HDDC2: variants seen among roughly 807,000 people sequenced by gnomAD.
HDDC2 encodes 5'-deoxynucleotidase HDDC2.
A neutral mutation model predicts 25.5 loss-of-function variants in HDDC2; 25 were observed. The ratio of observed to expected loss-of-function variants is 0.98; its 90% CI spans 0.72 to 1.37. HDDC2 has a LOEUF of 1.37. Among genes scored for constraint, HDDC2 ranks in the 40% most tolerant of loss-of-function variants. HDDC2 has a pLI of 0.00. For synonymous variants in HDDC2, 106 were observed against 89.7 expected, an observed-to-expected ratio of 1.18 and a Z score of -1.03; for missense variants, 264 against 253.1, an observed-to-expected ratio of 1.04 and a Z score of -0.29.
chr6:125,286,067 GA>G (rs1264399325), intron 4 of HDDC2, among the ~76,000 whole-genome samples: 1 of 152,160 alleles, frequency 6.6e-6, no homozygotes, highest in Non-Finnish European at 1.5e-5. Context: ...TACATGCAGT[GA>G]AACTGACTTT....
chr6:125,294,237 G>T (rs977229527), intron 3 of HDDC2, among the ~76,000 whole-genome samples: 2 of 152,166 alleles, frequency 1.3e-5, no homozygotes, highest in African/African-American at 4.8e-5. Context: ...TGAGTTGCAG[G>T]AAAGCAGTGA....
intron 2 of HDDC2, among the ~76,000 whole-genome samples, chr6:125,300,080 T>C (rs9482640): frequency 0.015 from 2,334 of 152,362 alleles, 60 homozygotes; most frequent in African/African-American, 0.053. Flanking sequence ...TAGTAAACTT[T>C]TGTTCTGTGC....
chr6:125,283,788 T>C (rs1001844440), intron 4 of HDDC2, among the ~76,000 whole-genome samples: 1 of 152,146 alleles, frequency 6.6e-6, no homozygotes, highest in Non-Finnish European at 1.5e-5. Flanking sequence ...TACCACTGAC[T>C]TTCTCCACAG....
At chr6:125,277,498 T>G in intron 4 of HDDC2, 1 of 393,858 alleles carries the variant, frequency 2.5e-6, no homozygotes, top group Admixed American at 4.2e-5. Context: ...ATGTTCATCT[T>G]AGGTACTTTC....
In HDDC2 at chr6:125,276,080, A is replaced by G; in HGVS notation, c.*66T>C. 8.2e-7 allele frequency: 1 copy of G among 1,221,082 alleles called. No homozygotes were observed. Among genetic ancestry groups the G allele is most frequent in the Non-Finnish European group, 1.2e-6 (1 of 825,322 alleles). 75.6% of individuals were successfully genotyped at this position (1,221,082 alleles called of 1,614,324 possible). A position where few individuals can be genotyped will look rare whatever the true frequency, so the allele number is the denominator to read the frequency against. On this transcript the variant is annotated 3_prime_UTR_variant, in exon 6 of 6. Coordinates refer to ENST00000398153, the MANE Select transcript of HDDC2 (RefSeq NM_016063.3). ...GGGAAATCAACAGACCAACAATGGC[A>G]AAACACAATACAATGAAATGGAAAA...
intron 3 of HDDC2, among the ~76,000 whole-genome samples, chr6:125,295,065 T>A (rs2115115482): frequency 6.6e-6 from 1 of 152,324 alleles, no homozygotes; most frequent in Non-Finnish European, 1.5e-5. Flanking sequence ...CATGCCAGAA[T>A]CATGCCTTTT....
chr6:125,293,516 A>G (rs1202298020), intron 3 of HDDC2, among the ~76,000 whole-genome samples: 1 of 152,204 alleles, frequency 6.6e-6, no homozygotes, highest in African/African-American at 2.4e-5. Flanking sequence ...TAAACCATCC[A>G]TGTAGTATCT....
chr6:125,277,205 A>G lies in HDDC2; in HGVS notation c.414T>C (p.Phe138=). Residue 138 remains phenylalanine (F), a synonymous_variant, in exon 5 of 6, where the codon TTT becomes TTC. Coordinates refer to ENST00000398153, the MANE Select transcript of HDDC2 (RefSeq NM_016063.3). ...YETQSSAEAK[F]VKQLDQCEMI... ...TTTCACATTGGTCTAGCTGCTTCAC[A>G]AATTTGGCTTCTGCACTAGATTGGG... is the stretch of plus-strand genomic sequence containing the variant. The G allele has an allele frequency of 6.2e-7, 1 of 1,614,148 alleles. No homozygotes were observed. The highest frequency in any genetic ancestry group is 8.5e-7 in the Non-Finnish European group (1 of 1,179,996).
chr6:125,301,956 G>A lies in HDDC2; in HGVS notation c.-24C>T. ...ATGCGGCCACCGACCCCGGCTGGGC[G>A]GAGCAGGCCGCGGCGAAGCTCCTCC... On this transcript the variant is annotated 5_prime_UTR_variant, in exon 1 of 6. Coordinates refer to ENST00000398153, the MANE Select transcript of HDDC2 (RefSeq NM_016063.3). 6.5e-7 allele frequency: 1 copy of A among 1,537,750 alleles called. No homozygotes were observed. The highest frequency in any genetic ancestry group is 8.8e-7 in the Non-Finnish European group (1 of 1,142,220).
rs946062308 is a variant in HDDC2, at chr6:125,298,526, T to C, written c.309+188A>G. On this transcript the variant is annotated intron_variant, in intron 3 of 5. Coordinates refer to ENST00000398153, the MANE Select transcript of HDDC2 (RefSeq NM_016063.3). The stretch of plus-strand genomic sequence containing the variant: ...CTAGTTGCCTAACTTGTCAGATCCA[T>C]CTTAATATTCTCCAGCCCAGGCCCT... 1.2e-5 allele frequency: 7 copies of C among 602,694 alleles called. No homozygotes were observed. The East Asian group carries it at 1.6e-4, about 14-fold the overall frequency. The allele number at this position is 602,694 out of a possible 1,614,324, so 37.3% of individuals were successfully genotyped here.
chr6:125,297,225 A>G (rs1798717654), intron 3 of HDDC2, among the ~76,000 whole-genome samples: 1 of 152,198 alleles, frequency 6.6e-6, no homozygotes, highest in African/African-American at 2.4e-5. Flanking sequence ...TTCTGCAACT[A>G]AGAATCTCGA....
At position 125,275,460 on chromosome 6, in the gene HDDC2, A is replaced by C. The variant is rs1185952887; in HGVS notation, c.*686T>G. The C allele has an allele frequency of 6.6e-6, 1 of 152,246 alleles. No individual in the cohort carries two copies. Among genetic ancestry groups the C allele is most frequent in the Non-Finnish European group, 1.5e-5 (1 of 68,040 alleles). The allele number at this position is 152,246 out of a possible 1,614,324, so 9.4% of individuals were successfully genotyped here. ...ATTTATATTTCTCACCTGATGATAC[A>C]TGCTTTTACAATAAAGGTCTCAAGA... On this transcript the variant is annotated 3_prime_UTR_variant, in exon 6 of 6. Transcript: ENST00000398153.
chr6:125,289,201 A>T lies in HDDC2; in HGVS notation c.378+3640T>A, dbSNP rs889791375. 1.6e-4 allele frequency among the ~76,000 whole-genome samples: 22 copies of T among 135,608 alleles called. 2 individuals are homozygous for T. Among genetic ancestry groups the T allele is most frequent in the African/African-American group, 6.6e-4 (21 of 31,986 alleles). 89.0% of individuals were successfully genotyped at this position (135,608 alleles called of 152,430 possible). ...TTGTAGGGACATGGATGAAACTGGA[A>T]ACCATCATTCTCAGTAAACTATCGC... On this transcript the variant is annotated intron_variant, in intron 4 of 5. Coordinates refer to ENST00000398153, the MANE Select transcript of HDDC2 (RefSeq NM_016063.3).
At chr6:125,284,562 A>G (rs145324984) in intron 4 of HDDC2, among the ~76,000 whole-genome samples, 2,924 of 152,358 alleles carry the variant, frequency 0.019, 86 homozygotes, top group African/African-American at 0.067. Context: ...CATATGAAAA[A>G]AAGCTCATTA....
intron 4 of HDDC2, among the ~76,000 whole-genome samples, chr6:125,292,098 T>C (rs1798640071): frequency 6.6e-6 from 1 of 151,840 alleles, no homozygotes; most frequent in Non-Finnish European, 1.5e-5. Context: ...TTGAAGAAGA[T>C]GTGAAAAGTG....
chr6:125,282,461 A>G (rs1389016586), intron 4 of HDDC2, among the ~76,000 whole-genome samples: 1 of 152,220 alleles, frequency 6.6e-6, no homozygotes, highest in Non-Finnish European at 1.5e-5. Flanking sequence ...ATAGAAGCAA[A>G]TGCTGAGGAA....
chr6:125,298,352 T>C (rs1281239607), intron 3 of HDDC2, among the ~76,000 whole-genome samples: 2 of 152,258 alleles, frequency 1.3e-5, no homozygotes, highest in Non-Finnish European at 2.9e-5. Context: ...CTGCTGCTTA[T>C]TCCAGGAAAT....
intron 4 of HDDC2, among the ~76,000 whole-genome samples, chr6:125,282,752 C>T (rs1798477145): frequency 6.6e-6 from 1 of 152,138 alleles, no homozygotes; most frequent in Non-Finnish European, 1.5e-5. Context: ...CATTAGTGTG[C>T]TATATTCAGG....
intron 4 of HDDC2, among the ~76,000 whole-genome samples, chr6:125,281,485 C>A (rs1417568907): frequency 6.6e-6 from 1 of 152,020 alleles, no homozygotes; most frequent in Non-Finnish European, 1.5e-5. Flanking sequence ...AATTGCTAAC[C>A]AGAATAAACA....
Sources: allele counts gnomAD v4.1 joint callset (sites outside exome capture counted in the v4.1 genomes callset), GRCh38; gene constraint gnomAD v4.1.1; transcripts MANE v1.5; gene names NCBI Gene and HGNC (gene_info 2026-07-23, HGNC 2026-07-21).